UGT1A8: variants seen among roughly 807,000 people sequenced by gnomAD.
UGT1A8 encodes UDP glucuronosyltransferase family 1 member A8.
In UGT1A8, 39 loss-of-function variants were observed where a neutral mutation model predicts 45.3. That is an observed-to-expected ratio of 0.86 (90% CI 0.67 to 1.12). The LOEUF is 1.12. UGT1A8 is among the 50% of genes most tolerant of loss of function. The pLI is 0.00. For synonymous variants in UGT1A8, 275 were observed against 249.2 expected (o/e 1.10, Z -0.97); for missense variants, 719 against 664.9 (o/e 1.08, Z -0.90).
At chr2:233,648,517 G>A (rs1357998172) in intron 1 of UGT1A8, 2 of 159,800 alleles carry the variant, frequency 1.3e-5, no homozygotes, top group African/African-American at 4.8e-5. Context: ...CTGGAGTGCA[G>A]TGGCGTGATC....
At chr2:233,696,501 T>C (rs1019151525) in intron 1 of UGT1A8, among the ~76,000 whole-genome samples, 1 of 152,252 alleles carries the variant, frequency 6.6e-6, no homozygotes, top group Admixed American at 6.5e-5. Flanking sequence ...CGAATTTGCT[T>C]GTCAGTTCTA....
At position 233,764,542 on chromosome 2, in the gene UGT1A8, C is replaced by T. The variant is rs34078324; in HGVS notation, c.856-2492C>T. ...CACATCCTGCTGATTGCTGAGTGGGCGTGTGGGAGGGTGTGCCTGGAGGAG... is the reference window on the plus strand; with the variant it reads ...CACATCCTGCTGATTGCTGAGTGGGTGTGTGGGAGGGTGTGCCTGGAGGAG... On this transcript the variant is annotated intron_variant, in intron 1 of 4. Transcript: ENST00000373450. Among the ~76,000 whole-genome samples, 1,361 of 152,150 alleles carry T rather than the reference C, an allele frequency of 8.9e-3. 20 individuals carry two copies. The highest frequency in any genetic ancestry group is 0.032 in the African/African-American group (1,309 of 41,498).
chr2:233,671,926 A>C (rs1559333805), intron 1 of UGT1A8: 1 of 1,598,452 alleles, frequency 6.3e-7, no homozygotes, highest in East Asian at 2.2e-5. Context: ...TCTCAGCTGC[A>C]GTTCTCTGAT....
intron 1 of UGT1A8, among the ~76,000 whole-genome samples, chr2:233,709,556 A>C (rs971239686): frequency 6.6e-6 from 1 of 152,160 alleles, no homozygotes; most frequent in Non-Finnish European, 1.5e-5. Flanking sequence ...AGTACTTATA[A>C]ATTTAAACTT....
At chr2:233,674,506 T>C (rs1023098618) in intron 1 of UGT1A8, among the ~76,000 whole-genome samples, 3 of 152,186 alleles carry the variant, frequency 2.0e-5, no homozygotes, top group African/African-American at 7.2e-5. Flanking sequence ...ACACTGAATT[T>C]ATTGTGCCTC....
At chr2:233,748,181 CT>C in intron 1 of UGT1A8, 1 of 1,573,702 alleles carries the variant, frequency 6.4e-7, no homozygotes, top group Non-Finnish European at 8.6e-7. Context: ...CTTTCTGGTG[CT>C]TTTATTTCTG....
At chr2:233,682,786 G>C in intron 1 of UGT1A8, 1 of 1,612,112 alleles carries the variant, frequency 6.2e-7, no homozygotes, top group Non-Finnish European at 8.5e-7. Context: ...GAAAGCCAGT[G>C]CCTATGGTAA....
Position 233,628,460 on chromosome 2 carries a change from G to T in UGT1A8, c.855+9898G>T, listed in dbSNP as rs151154197. 4.9e-4 allele frequency among the ~76,000 whole-genome samples: 74 copies of T among 152,182 alleles called. No homozygotes were observed. The East Asian group carries it at 9.5e-3, about 19-fold the overall frequency. On this transcript the variant is annotated intron_variant, in intron 1 of 4. Coordinates refer to ENST00000373450, the MANE Select transcript of UGT1A8 (RefSeq NM_019076.5). ...ATATAGAAAGAAGATTAGTTTTTAA[G>T]TATTGTATCTTGCAACCATGCTAAA...
intron 1 of UGT1A8, among the ~76,000 whole-genome samples, chr2:233,665,310 T>G (rs1381233230): frequency 2.0e-5 from 3 of 152,212 alleles, no homozygotes; most frequent in African/African-American, 7.2e-5. Flanking sequence ...ATTTGTCTTT[T>G]TGCACATTAG....
intron 1 of UGT1A8, chr2:233,713,124 C>A (rs746932812): frequency 6.2e-7 from 1 of 1,614,184 alleles, no homozygotes; most frequent in South Asian, 1.1e-5. Flanking sequence ...GCTCAGCATG[C>A]GGGAGGCCTT....
At chr2:233,744,741 C>G (rs1692905246) in intron 1 of UGT1A8, among the ~76,000 whole-genome samples, 1 of 151,836 alleles carries the variant, frequency 6.6e-6, no homozygotes, top group South Asian at 2.1e-4. Context: ...AATCAAGTAG[C>G]ATTATTATGG....
chr2:233,642,443 G>A (rs1238089040), intron 1 of UGT1A8, among the ~76,000 whole-genome samples: 1 of 152,150 alleles, frequency 6.6e-6, no homozygotes, highest in African/African-American at 2.4e-5. Flanking sequence ...ATTTCTTTGA[G>A]TTTCCTCAAC....
At chr2:233,767,620 G>T (rs555830057) in intron 2 of UGT1A8, among the ~76,000 whole-genome samples, 1 of 152,270 alleles carries the variant, frequency 6.6e-6, no homozygotes, top group South Asian at 2.1e-4. Flanking sequence ...TAAGTGCACA[G>T]CTTGATAAAT....
At chr2:233,731,193 A>T (rs750244105) in intron 1 of UGT1A8, among the ~76,000 whole-genome samples, 1 of 152,062 alleles carries the variant, frequency 6.6e-6, no homozygotes, top group Admixed American at 6.6e-5. Context: ...TAATTATTCA[A>T]TTATAAAATA....
intron 1 of UGT1A8, among the ~76,000 whole-genome samples, chr2:233,724,362 A>T (rs1231465010): frequency 6.9e-6 from 1 of 144,202 alleles, no homozygotes; most frequent in African/African-American, 2.6e-5. Context: ...TCCCTCCCGG[A>T]CGGGGTGGCT....
chr2:233,644,534 C>T (rs140519848), intron 1 of UGT1A8, among the ~76,000 whole-genome samples: 19,333 of 152,004 alleles, frequency 0.13, 1,304 homozygotes, highest in Non-Finnish European at 0.16. Context: ...GCACTCCAGC[C>T]TAGATGACAG....
At chr2:233,711,284 C>T (rs1473595982) in intron 1 of UGT1A8, among the ~76,000 whole-genome samples, 4 of 152,164 alleles carry the variant, frequency 2.6e-5, no homozygotes, top group Admixed American at 6.5e-5. Flanking sequence ...GAGTCCTAGA[C>T]GTGGGAGTAG....
At chr2:233,712,888 TTGA>T in intron 1 of UGT1A8, 3 of 1,603,412 alleles carry the variant, frequency 1.9e-6, no homozygotes, top group Non-Finnish European at 2.6e-6. Context: ...CAATTACATG[TTGA>T]TTTGCTAGGT....
chr2:233,663,045 A>C (rs950812502), intron 1 of UGT1A8, among the ~76,000 whole-genome samples: 3 of 152,144 alleles, frequency 2.0e-5, no homozygotes, highest in Admixed American at 2.0e-4. Flanking sequence ...CAGTGTATTC[A>C]CATTGCTGTG....
Sources: allele counts gnomAD v4.1 joint callset (sites outside exome capture counted in the v4.1 genomes callset), GRCh38; gene constraint gnomAD v4.1.1; transcripts MANE v1.5; gene names NCBI Gene and HGNC (gene_info 2026-07-23, HGNC 2026-07-21).